Variants in DOCK9 observed in about 807,000 individuals in gnomAD.
DOCK9 encodes the protein dedicator of cytokinesis 9.
In DOCK9, 89 loss-of-function variants were observed where a neutral mutation model predicts 263.3. That is an observed-to-expected ratio of 0.34 (90% confidence interval 0.28 to 0.40). DOCK9 has a LOEUF of 0.40. Among genes scored for constraint, DOCK9 ranks in the 10% least tolerant of loss-of-function variants. The probability of loss-of-function intolerance (pLI) is 1.00; values close to 1 mark genes in which losing one functional copy is unlikely to be tolerated. For synonymous variants in DOCK9, 976 were observed against 973.1 expected, an observed-to-expected ratio of 1.00 and a Z score of -0.06; for missense variants, 2,140 against 2,603.4, an observed-to-expected ratio of 0.82 and a Z score of 3.87.
chr13:98,998,625 C>A (rs1881596495), intron 1 of DOCK9, among the ~76,000 whole-genome samples: 2 of 152,250 alleles, frequency 1.3e-5, no homozygotes, highest in South Asian at 4.1e-4. Context: ...CCCACCTGGC[C>A]TCTTCCAATC....
chr13:98,798,815 A>G (rs753863468), intron 50 of DOCK9, among the ~76,000 whole-genome samples: 8 of 152,220 alleles, frequency 5.3e-5, no homozygotes, highest in Non-Finnish European at 1.2e-4. Flanking sequence ...TCTCATTTCA[A>G]CATGGAATTT....
At chr13:98,921,169 A>G in intron 6 of DOCK9, 81 bp from the exon 7 acceptor site, 6 of 1,382,380 alleles carry the variant, frequency 4.3e-6, no homozygotes, top group Non-Finnish European at 5.9e-6. Context: ...TTATGACTAC[A>G]TACATACATA....
intron 1 of DOCK9, among the ~76,000 whole-genome samples, chr13:99,056,909 C>A (rs1320885853): frequency 1.3e-5 from 2 of 152,226 alleles, no homozygotes; most frequent in Non-Finnish European, 2.9e-5. Context: ...CACATTCCTA[C>A]AGATGACCCC....
chr13:98,841,183 T>C (rs1236504988), intron 38 of DOCK9, among the ~76,000 whole-genome samples: 1 of 152,132 alleles, frequency 6.6e-6, no homozygotes, highest in East Asian at 1.9e-4. Context: ...AAAAAACAAA[T>C]ATGCTCAGAA....
chr13:98,883,724 A>G, intron 22 of DOCK9, 89 bp downstream of exon 22: 4 of 755,582 alleles, frequency 5.3e-6, no homozygotes, highest in Non-Finnish European at 6.4e-6. Context: ...ATATAGTAAT[A>G]TAACACATTA....
chr13:99,005,071 C>CAA (rs757548444), intron 1 of DOCK9, among the ~76,000 whole-genome samples: 70 of 136,222 alleles, frequency 5.1e-4, no homozygotes, highest in African/African-American at 1.8e-3. Context: ...CCGGATATAC[C>CAA]AAAAAAAAAA....
At chr13:99,078,216 C>T (rs149217764) in intron 1 of DOCK9, among the ~76,000 whole-genome samples, 18 of 152,086 alleles carry the variant, frequency 1.2e-4, no homozygotes, top group African/African-American at 3.6e-4. Flanking sequence ...GCGGTAGAAG[C>T]GGGGAGAATC....
At chr13:99,066,177 G>T (rs2041407423) in intron 1 of DOCK9, among the ~76,000 whole-genome samples, 1 of 152,098 alleles carries the variant, frequency 6.6e-6, no homozygotes, top group South Asian at 2.1e-4. Context: ...ATGTTTCTTG[G>T]CACTCAAAAA....
intron 1 of DOCK9, among the ~76,000 whole-genome samples, chr13:98,973,634 T>A (rs1031193291): frequency 7.2e-5 from 11 of 152,222 alleles, no homozygotes; most frequent in African/African-American, 2.7e-4. Context: ...TCTTACTCTG[T>A]CACCCAGCCT....
At chr13:98,855,492 A>T (rs1377601475) in intron 34 of DOCK9, among the ~76,000 whole-genome samples, 1 of 152,144 alleles carries the variant, frequency 6.6e-6, no homozygotes, top group African/African-American at 2.4e-5. Flanking sequence ...GAGTCGTTTG[A>T]ACCCAGGAGG....
At chr13:98,815,221 A>G (rs1288502181) in intron 45 of DOCK9, among the ~76,000 whole-genome samples, 1 of 152,090 alleles carries the variant, frequency 6.6e-6, no homozygotes, top group Non-Finnish European at 1.5e-5. Flanking sequence ...ATACACTGCC[A>G]GTGTGTATTT....
rs565297537 is a variant in DOCK9, at chr13:98,897,398, C to T, written c.1709+90G>A. 6 of 1,507,698 alleles carry T rather than the reference C, an allele frequency of 4.0e-6. 1 individual carries two copies. Among genetic ancestry groups the T allele is most frequent in the Middle Eastern group, 3.5e-4 (2 of 5,646 alleles). The allele number at this position is 1,507,698 out of a possible 1,614,324, so 93.4% of individuals were successfully genotyped here. ...TTGCCATCCCCTCTGATGTCTAAATCGAGCAACCTAAGTGACTGCTCCCCT... is the reference window on the plus strand; with the variant it reads ...TTGCCATCCCCTCTGATGTCTAAATTGAGCAACCTAAGTGACTGCTCCCCT... On this transcript the variant is annotated intron_variant, in intron 15 of 52. Coordinates refer to ENST00000682017, the MANE Select transcript of DOCK9 (RefSeq NM_001366683.2).
chr13:98,986,453 T>C (rs1378363167), intron 1 of DOCK9, among the ~76,000 whole-genome samples: 1 of 152,262 alleles, frequency 6.6e-6, no homozygotes, highest in Admixed American at 6.5e-5. Context: ...CCAGAAACTT[T>C]ACAAAGGGAA....
chr13:98,819,282 T>C (rs1566592995), intron 45 of DOCK9, among the ~76,000 whole-genome samples: 1 of 152,238 alleles, frequency 6.6e-6, no homozygotes, highest in African/African-American at 2.4e-5. Flanking sequence ...TGAAAATCTC[T>C]GAGGCAGGGA....
In DOCK9 at chr13:98,825,738, CA is replaced by C. The variant is rs2092499663; in HGVS notation, c.5023+1091del. On this transcript the variant is annotated intron_variant, in intron 44 of 52. Transcript: ENST00000682017. The surrounding 1 kb of genome is among the most constrained non-coding windows in gnomAD (Gnocchi z 4.1). ...TGCCCACAGGAATAGACCAGCCAAC[CA>C]GAGAGCCACAGAGTAGGAGGGAAGG... 1.9e-6 allele frequency: 1 copy of C among 537,898 alleles called. No homozygotes were observed. Among genetic ancestry groups the C allele is most frequent in the South Asian group, 5.1e-5 (1 of 19,440 alleles). The allele number at this position is 537,898 out of a possible 1,614,324, so 33.3% of individuals were successfully genotyped here.
chr13:99,086,943 C>A (rs955588202), upstream of DOCK9, among the ~76,000 whole-genome samples: 1 of 152,084 alleles, frequency 6.6e-6, no homozygotes, highest in Non-Finnish European at 1.5e-5. Context: ...ACAGCCGAGG[C>A]TGGACGATGC....
At position 98,977,845 on chromosome 13, in the gene DOCK9, G is replaced by C; in HGVS notation, c.65C>G (p.Pro22Arg). ...SVKKELVIES[P>R]LQYKDAAQGE... ...CTGAGCTGCATCCTTGTATTGCAGG[G>C]GGGACTCAATCACCAGTTCCTTTTT... is the stretch of plus-strand genomic sequence containing the variant. Residue 22 changes from proline (P) to arginine (R), a missense_variant, in exon 1 of 53, where the codon CCC becomes CGC. Pro to Arg is a moderately radical substitution (Grantham distance 103). Coordinates refer to ENST00000682017, the MANE Select transcript of DOCK9 (RefSeq NM_001366683.2). The C allele has an allele frequency of 6.2e-7, 1 of 1,608,068 alleles. No homozygotes were observed. The highest frequency in any genetic ancestry group is 8.5e-7 in the Non-Finnish European group (1 of 1,177,042).
intron 7 of DOCK9, among the ~76,000 whole-genome samples, chr13:98,918,529 A>G (rs2051280532): frequency 6.6e-6 from 1 of 152,210 alleles, no homozygotes; most frequent in African/African-American, 2.4e-5. Flanking sequence ...AAAATTTTAG[A>G]ACACTAAAGA....
chr13:98,849,480 G>A (rs1363011245), intron 36 of DOCK9, among the ~76,000 whole-genome samples: 1 of 151,450 alleles, frequency 6.6e-6, no homozygotes, highest in Admixed American at 6.6e-5. Context: ...GATGTAATGG[G>A]ATACAGTCTA....
Sources: gnomAD v4.1 joint callset for allele counts (sites outside exome capture counted in the v4.1 genomes callset) on GRCh38, gnomAD v4.1.1 for gene constraint, Gnocchi (gnomAD v3.1) non-coding constraint, MANE v1.5 for transcripts, NCBI Gene and HGNC (gene_info 2026-07-23, HGNC 2026-07-21) for gene names.